The following AGBL4 variants were observed in gnomAD, a reference collection of about 807,000 sequenced individuals.
AGBL4 encodes cytosolic carboxypeptidase 6.
A neutral mutation model predicts 66.4 loss-of-function variants in AGBL4; 58 were observed. The observed-to-expected ratio is 0.87, with a 90% CI of 0.71 to 1.09. AGBL4 has a LOEUF of 1.09. AGBL4 is among the 50% of genes least tolerant of loss of function. AGBL4 has a pLI of 0.00. For synonymous variants in AGBL4, 234 were observed against 222.9 expected, an observed-to-expected ratio of 1.05 and a Z score of -0.44; for missense variants, 579 against 631.0, an observed-to-expected ratio of 0.92 and a Z score of 0.88.
chr1:49,805,751 C>T (rs953325572), intron 2 of AGBL4, among the ~76,000 whole-genome samples: 3 of 152,090 alleles, frequency 2.0e-5, no homozygotes, highest in African/African-American at 7.2e-5. Context: ...AAGATAAGTA[C>T]CCTTATAAAA....
At chr1:49,802,257 C>A (rs531298131) in intron 2 of AGBL4, among the ~76,000 whole-genome samples, 1 of 150,958 alleles carries the variant, frequency 6.6e-6, no homozygotes, top group Non-Finnish European at 1.5e-5. Flanking sequence ...TAAACAGACA[C>A]ATCGGGGGGG....
At chr1:48,721,198 CA>C (rs1220654140) in intron 6 of AGBL4, among the ~76,000 whole-genome samples, 1 of 152,040 alleles carries the variant, frequency 6.6e-6, no homozygotes, top group Non-Finnish European at 1.5e-5. Context: ...ACTCTTTTCC[CA>C]GAGGTGGGAG....
Position 48,878,874 on chromosome 1 carries a change from T to C in AGBL4, c.595-11644A>G, listed in dbSNP as rs145003093. 1.1e-3 allele frequency among the ~76,000 whole-genome samples: 174 copies of C among 152,286 alleles called. 2 individuals carry two copies. The Middle Eastern group carries it at 0.02, about 18-fold the overall frequency. On this transcript the variant is annotated intron_variant, in intron 5 of 13. Coordinates refer to ENST00000371839, the MANE Select transcript of AGBL4 (RefSeq NM_032785.4). ...ATGCCTCTTCACGATGTCAGAGTTA[T>C]ATATACTCCAGGAAGTAAAAGTGCC... is the stretch of plus-strand genomic sequence containing the variant.
chr1:49,070,716 G>T (rs901009714), intron 4 of AGBL4, among the ~76,000 whole-genome samples: 1 of 151,918 alleles, frequency 6.6e-6, no homozygotes, highest in Non-Finnish European at 1.5e-5. Context: ...GTCTCTGCCC[G>T]GTTTTGGTAT....
chr1:49,945,084 TAAG>T (rs1415437364), intron 1 of AGBL4, among the ~76,000 whole-genome samples: 1 of 152,036 alleles, frequency 6.6e-6, no homozygotes, highest in African/African-American at 2.4e-5. Context: ...TGACCAAACC[TAAG>T]AATAATTGGT....
At chr1:49,103,553 G>A (rs1013672197) in intron 4 of AGBL4, among the ~76,000 whole-genome samples, 3 of 152,244 alleles carry the variant, frequency 2.0e-5, no homozygotes, top group East Asian at 1.9e-4. Context: ...TCTATGACAC[G>A]CTGGATTCGC....
intron 3 of AGBL4, among the ~76,000 whole-genome samples, chr1:49,411,366 G>A (rs1014452619): frequency 6.6e-6 from 1 of 152,186 alleles, no homozygotes; most frequent in Admixed American, 6.5e-5. Context: ...TGATTGGATG[G>A]TGCCTATCCA....
chr1:49,521,878 A>G (rs533033437), intron 3 of AGBL4, among the ~76,000 whole-genome samples: 1 of 150,796 alleles, frequency 6.6e-6, no homozygotes, highest in Non-Finnish European at 1.5e-5. Flanking sequence ...GACAACCCAT[A>G]GAATGAGAAC....
intron 2 of AGBL4, among the ~76,000 whole-genome samples, chr1:49,727,987 T>G (rs1196972914): frequency 1.3e-5 from 2 of 152,138 alleles, no homozygotes; most frequent in Admixed American, 6.6e-5. Flanking sequence ...GAAAAGGGGT[T>G]TTGCATAGCC....
intron 6 of AGBL4, among the ~76,000 whole-genome samples, chr1:48,750,623 T>C (rs1007799057): frequency 2.0e-5 from 3 of 152,208 alleles, no homozygotes; most frequent in Non-Finnish European, 4.4e-5. Context: ...AACAATTTGA[T>C]TTCTCCGTGC....
At chr1:49,485,416 A>G (rs1291261645) in intron 3 of AGBL4, among the ~76,000 whole-genome samples, 4 of 130,488 alleles carry the variant, frequency 3.1e-5, no homozygotes, top group Non-Finnish European at 6.2e-5. Context: ...ATGAGAACAC[A>G]TGGACACTGG....
intron 1 of AGBL4, among the ~76,000 whole-genome samples, chr1:49,971,533 A>G (rs1299306277): frequency 6.6e-6 from 1 of 152,198 alleles, no homozygotes; most frequent in Non-Finnish European, 1.5e-5. Flanking sequence ...GGAAAGAAAA[A>G]AGAAATCACA....
chr1:49,369,953 A>C (rs947495136), intron 3 of AGBL4, among the ~76,000 whole-genome samples: 67 of 151,596 alleles, frequency 4.4e-4, no homozygotes, highest in Non-Finnish European at 5.4e-4. Flanking sequence ...TAGAATGAAA[A>C]TACCACCCTC....
At chr1:48,767,969 T>C (rs1455290953) in intron 6 of AGBL4, among the ~76,000 whole-genome samples, 3 of 152,202 alleles carry the variant, frequency 2.0e-5, no homozygotes, top group Non-Finnish European at 4.4e-5. Flanking sequence ...AAACTCACTA[T>C]ATTTAATCCC....
chr1:49,633,710 T>C (rs866905499), intron 3 of AGBL4, among the ~76,000 whole-genome samples: 2 of 151,680 alleles, frequency 1.3e-5, no homozygotes, highest in Admixed American at 6.6e-5. Context: ...CTTTTAGAAA[T>C]AGTTATTTCT....
intron 5 of AGBL4, among the ~76,000 whole-genome samples, chr1:48,986,987 A>G (rs745580080): frequency 4.6e-5 from 7 of 152,102 alleles, no homozygotes; most frequent in Admixed American, 6.5e-5. Flanking sequence ...TTAGTTATTT[A>G]AGAGTTATAT....
intron 6 of AGBL4, among the ~76,000 whole-genome samples, chr1:48,709,159 T>C (rs1469180219): frequency 6.6e-6 from 1 of 152,140 alleles, no homozygotes; most frequent in East Asian, 1.9e-4. Flanking sequence ...CTCTCTGGAG[T>C]GCAGCTCCAA....
At chr1:49,445,315 TG>T (rs1646129775) in intron 3 of AGBL4, among the ~76,000 whole-genome samples, 2 of 152,128 alleles carry the variant, frequency 1.3e-5, no homozygotes, top group Non-Finnish European at 2.9e-5. Flanking sequence ...GACTCCATCT[TG>T]AAGAAGAATT....
At chr1:49,626,317 G>GA (rs1295218916) in intron 3 of AGBL4, among the ~76,000 whole-genome samples, 8 of 152,104 alleles carry the variant, frequency 5.3e-5, no homozygotes, top group African/African-American at 1.9e-4. Flanking sequence ...ATCCAGTAGT[G>GA]ACAAGACCCC....
Sources: allele counts gnomAD v4.1 joint callset (sites outside exome capture counted in the v4.1 genomes callset), GRCh38; gene constraint gnomAD v4.1.1; transcripts MANE v1.5; gene names NCBI Gene and HGNC (gene_info 2026-07-23, HGNC 2026-07-21).